ENKUR: variants seen among roughly 807,000 people sequenced by gnomAD.
The protein encoded by ENKUR is enkurin.
ENKUR carries 19 observed loss-of-function variants against 27.6 expected under a neutral mutation model. The observed-to-expected ratio is 0.69, with a 90% CI of 0.48 to 1.01. The LOEUF is 1.01. ENKUR is among the 50% of genes least tolerant of loss of function. ENKUR has a pLI of 0.00. For synonymous variants in ENKUR, 117 were observed against 96.9 expected (o/e 1.21, Z -1.22); for missense variants, 312 against 310.5 (o/e 1.00, Z -0.04).
intron 2 of ENKUR, among the ~76,000 whole-genome samples, chr10:24,996,974 C>T (rs1450591810): frequency 2.0e-5 from 3 of 152,138 alleles, no homozygotes; most frequent in Admixed American, 1.3e-4. Flanking sequence ...GAAATTTGAA[C>T]ACAGACATAC....
At chr10:25,002,970 C>T (rs12247642) in intron 1 of ENKUR, among the ~76,000 whole-genome samples, 10,033 of 151,730 alleles carry the variant, frequency 0.066, 1,084 homozygotes, top group African/African-American at 0.23. Context: ...TTTGTAAACC[C>T]ATGATTCAAT....
chr10:25,015,162 T>C (rs1161694252), intron 1 of ENKUR, among the ~76,000 whole-genome samples: 1 of 152,224 alleles, frequency 6.6e-6, no homozygotes, highest in Non-Finnish European at 1.5e-5. Flanking sequence ...TCCCTACAGA[T>C]GGGAGTAACT....
chr10:25,061,538 G>A lies in ENKUR; in HGVS notation c.-221-169C>T, dbSNP rs370294095. On this transcript the variant is annotated intron_variant, in intron 1 of 5. Transcript: ENST00000615958. ...AAACTTTGGTGATCTACAAGCTTTG[G>A]GTGACTTTTCCTTTGAGCAGGATAA... Among the ~76,000 whole-genome samples the A allele has an allele frequency of 5.3e-5, 8 of 152,274 alleles. No homozygotes were observed. In the East Asian group the frequency reaches 1.4e-3, roughly 26 times the overall value.
rs1564340741 is a variant in ENKUR, at chr10:25,003,181, A to ATTT, written c.78-3636_78-3635insAAA. The stretch of plus-strand genomic sequence containing the variant: ...TCTTTAATTAATTAATTAATTAATT[A>ATTT]ATTTATTTATTTATTCATTTATTTT... On this transcript the variant is annotated intron_variant, in intron 1 of 5. Transcript: ENST00000331161. Among the ~76,000 whole-genome samples the ATTT allele has an allele frequency of 4.5e-3, 665 of 146,988 alleles. 2 individuals are homozygous for ATTT. Among genetic ancestry groups the ATTT allele is most frequent in the African/African-American group, 0.013 (544 of 41,068 alleles).
At chr10:25,057,628 A>G (rs976044752) in intron 2 of ENKUR, among the ~76,000 whole-genome samples, 1 of 152,154 alleles carries the variant, frequency 6.6e-6, no homozygotes, top group Non-Finnish European at 1.5e-5. Context: ...TATCAAAATT[A>G]TCACCCTTGT....
At position 25,046,885 on chromosome 10, in the gene ENKUR, G is replaced by C. The variant is rs115757164; in HGVS notation, c.37+14227C>G. Among the ~76,000 whole-genome samples the C allele has an allele frequency of 5.1e-3, 774 of 152,246 alleles. 5 individuals carry two copies. The highest frequency in any genetic ancestry group is 0.018 in the African/African-American group (733 of 41,550). Reference sequence around the variant, plus strand: ...GGCTGTACTTGAAAGTAAGCCCTCTGTGTTAATTTCCATCCTCTAGAAATT... The same window carrying C: ...GGCTGTACTTGAAAGTAAGCCCTCTCTGTTAATTTCCATCCTCTAGAAATT... On this transcript the variant is annotated intron_variant, in intron 2 of 5. Coordinates refer to the ENKUR transcript ENST00000615958.
At chr10:25,013,299 T>C (rs1300074825) in intron 1 of ENKUR, among the ~76,000 whole-genome samples, 2 of 152,222 alleles carry the variant, frequency 1.3e-5, no homozygotes, top group African/African-American at 2.4e-5. Context: ...TTTATTAAAT[T>C]TGCAAATGAC....
intron 2 of ENKUR, among the ~76,000 whole-genome samples, chr10:24,996,681 A>G (rs1347766468): frequency 1.3e-5 from 2 of 152,156 alleles, no homozygotes; most frequent in Non-Finnish European, 2.9e-5. Flanking sequence ...CACAATTACT[A>G]AGGACTGACT....
chr10:24,996,436 A>ATGTGTG (rs150948274), intron 2 of ENKUR, among the ~76,000 whole-genome samples: 13 of 148,614 alleles, frequency 8.7e-5, no homozygotes, highest in African/African-American at 2.5e-4. Flanking sequence ...AAGATCATAT[A>ATGTGTG]TGTGTGTGTG....
chr10:25,007,504 G>A (rs11014344), intron 1 of ENKUR, among the ~76,000 whole-genome samples: 19 of 152,166 alleles, frequency 1.2e-4, no homozygotes, highest in African/African-American at 4.1e-4. Flanking sequence ...GCGCCATCTC[G>A]GCTCACTGCA....
intron 2 of ENKUR, among the ~76,000 whole-genome samples, chr10:25,058,634 T>C (rs1851288362): frequency 6.6e-6 from 1 of 152,038 alleles, no homozygotes; most frequent in Non-Finnish European, 1.5e-5. Context: ...GCTGGCCAAT[T>C]AGTAAGGAGG....
chr10:25,006,062 A>G (rs1850307452), intron 1 of ENKUR, among the ~76,000 whole-genome samples: 1 of 152,240 alleles, frequency 6.6e-6, no homozygotes, highest in Non-Finnish European at 1.5e-5. Context: ...AAGTGATTAG[A>G]AAAATTTAAA....
intron 1 of ENKUR, among the ~76,000 whole-genome samples, chr10:25,011,058 C>T (rs1163773418): frequency 3.4e-5 from 5 of 145,684 alleles, no homozygotes; most frequent in Non-Finnish European, 7.7e-5. Context: ...TACAGTCCCA[C>T]CAACAGTGTA....
At chr10:25,037,523 T>C (rs1163643137) in intron 2 of ENKUR, among the ~76,000 whole-genome samples, 2 of 152,164 alleles carry the variant, frequency 1.3e-5, no homozygotes, top group Non-Finnish European at 2.9e-5. Context: ...CATCTTAAAA[T>C]AAATGATTTC....
At chr10:25,028,636 T>A (rs957084132) in intron 2 of ENKUR, among the ~76,000 whole-genome samples, 1 of 152,198 alleles carries the variant, frequency 6.6e-6, no homozygotes, top group Non-Finnish European at 1.5e-5. Flanking sequence ...TTCTTTATTC[T>A]CCAATCAAGA....
rs1849698063 is a variant in ENKUR at position 24,982,873 on chromosome 10, T to C, written c.*1497A>G. The C allele has an allele frequency of 6.6e-6, 1 of 152,252 alleles. No homozygotes were observed. Among genetic ancestry groups the C allele is most frequent in the Non-Finnish European group, 1.5e-5 (1 of 68,042 alleles). 9.4% of individuals were successfully genotyped at this position (152,252 alleles called of 1,614,324 possible). On this transcript the variant is annotated 3_prime_UTR_variant, in exon 6 of 6. Transcript: ENST00000331161. ...ATTTACAGAAAGCAAAAGAATTAGCTGTTAAAACCACAAAGTTTTCATTTT... is the reference window on the plus strand; with the variant it reads ...ATTTACAGAAAGCAAAAGAATTAGCCGTTAAAACCACAAAGTTTTCATTTT...
At chr10:24,988,354 A>G (rs918735273) in intron 4 of ENKUR, among the ~76,000 whole-genome samples, 1 of 144,718 alleles carries the variant, frequency 6.9e-6, no homozygotes, top group Non-Finnish European at 1.5e-5. Context: ...ATATTTATAT[A>G]TGTGTATATA....
At chr10:25,027,841 C>G (rs1850885941) in intron 2 of ENKUR, among the ~76,000 whole-genome samples, 1 of 152,104 alleles carries the variant, frequency 6.6e-6, no homozygotes, top group Non-Finnish European at 1.5e-5. Context: ...GAGCAAGACT[C>G]TGTCTCAAAA....
intron 2 of ENKUR, among the ~76,000 whole-genome samples, chr10:25,029,492 T>C (rs1357831394): frequency 1.3e-5 from 2 of 152,168 alleles, no homozygotes; most frequent in African/African-American, 4.8e-5. Flanking sequence ...TGGCAAATAT[T>C]GTTTCAATCC....
Sources: gnomAD v4.1 joint callset for allele counts (sites outside exome capture counted in the v4.1 genomes callset) on GRCh38, gnomAD v4.1.1 for gene constraint, MANE v1.5 for transcripts, NCBI Gene and HGNC (gene_info 2026-07-23, HGNC 2026-07-21) for gene names.